Variants in ANKS1B observed in about 807,000 individuals in gnomAD.
ANKS1B encodes the protein ankyrin repeat and sterile alpha motif domain-containing protein 1B.
Under a neutral mutation model 148.3 loss-of-function variants are expected in ANKS1B, and 36 were observed. The ratio of observed to expected loss-of-function variants is 0.24; its 90% CI spans 0.19 to 0.32. The LOEUF (loss-of-function observed/expected upper bound fraction) is 0.32. ANKS1B is among the 10% of genes least tolerant of loss of function. The probability of loss-of-function intolerance (pLI) is 1.00; values close to 1 mark genes in which losing one functional copy is unlikely to be tolerated. For synonymous variants in ANKS1B, 542 were observed against 560.8 expected, an observed-to-expected ratio of 0.97 and a Z score of 0.47; for missense variants, 1,157 against 1,542.6, an observed-to-expected ratio of 0.75 and a Z score of 4.19.
chr12:99,370,519 C>A (rs541959328), intron 12 of ANKS1B, among the ~76,000 whole-genome samples: 3 of 152,200 alleles, frequency 2.0e-5, no homozygotes, highest in Admixed American at 2.0e-4. Flanking sequence ...AGACAGGCAA[C>A]AGACACACAG....
At chr12:99,407,080 G>C (rs1229398763) in intron 11 of ANKS1B, among the ~76,000 whole-genome samples, 1 of 145,754 alleles carries the variant, frequency 6.9e-6, no homozygotes, top group Non-Finnish European at 1.5e-5. Context: ...ATCAAAAACA[G>C]AAAACTACGG....
At chr12:99,523,513 G>A (rs1265717746) in intron 9 of ANKS1B, among the ~76,000 whole-genome samples, 1 of 151,396 alleles carries the variant, frequency 6.6e-6, no homozygotes, top group Non-Finnish European at 1.5e-5. Context: ...TCTGTCCCTG[G>A]AGTCTTCAAG....
intron 8 of ANKS1B, among the ~76,000 whole-genome samples, chr12:99,702,476 T>C (rs2054993897): frequency 1.3e-5 from 2 of 152,158 alleles, no homozygotes; most frequent in South Asian, 4.1e-4. Context: ...AAATATTGTC[T>C]CCCATTCTGT....
intron 8 of ANKS1B, among the ~76,000 whole-genome samples, chr12:99,704,475 C>T (rs776580924): frequency 6.6e-6 from 1 of 152,068 alleles, no homozygotes; most frequent in Non-Finnish European, 1.5e-5. Flanking sequence ...AATATATACA[C>T]ATATTAGACT....
intron 9 of ANKS1B, among the ~76,000 whole-genome samples, chr12:99,513,680 C>T (rs1359333727): frequency 3.3e-5 from 5 of 151,974 alleles, no homozygotes; most frequent in Non-Finnish European, 7.4e-5. Flanking sequence ...AATAAATCCT[C>T]AAGTCCTATA....
In ANKS1B at chr12:99,059,788, C is replaced by CATATATATATATATATGTATATATATAT. The variant is rs769888299; in HGVS notation, c.2626-6480_2626-6479insATATATATATACATATATATATATATAT. 1.0e-4 allele frequency among the ~76,000 whole-genome samples: 9 copies of CATATATATATATATATGTATATATATAT among 90,322 alleles called. 1 individual carries two copies. The highest frequency in any genetic ancestry group is 4.0e-4 in the African/African-American group (9 of 22,266). The allele number at this position is 90,322 out of a possible 152,430, so 59.3% of individuals were successfully genotyped here. ...TAAGCCCAAAGACAAAACTAAAATT[C>CATATATATATATATATGTATATATATAT]ATATATATATATATATATGATAGGA... On this transcript the variant is annotated intron_variant, in intron 16 of 26. Coordinates refer to ENST00000683438, the MANE Select transcript of ANKS1B (RefSeq NM_001352186.2).
chr12:99,119,499 A>T (rs1344010206), intron 15 of ANKS1B, among the ~76,000 whole-genome samples: 1 of 152,198 alleles, frequency 6.6e-6, no homozygotes, highest in African/African-American at 2.4e-5. Context: ...CCAACCATTG[A>T]ACTAATATAC....
intron 9 of ANKS1B, among the ~76,000 whole-genome samples, chr12:99,654,484 C>G (rs1339709635): frequency 1.3e-5 from 2 of 152,166 alleles, no homozygotes; most frequent in Non-Finnish European, 2.9e-5. Context: ...TGAAACTCCT[C>G]TAAGAGTGTA....
intron 10 of ANKS1B, among the ~76,000 whole-genome samples, chr12:99,498,195 T>G (rs1339330612): frequency 1.3e-5 from 2 of 152,214 alleles, no homozygotes; most frequent in Admixed American, 6.5e-5. Flanking sequence ...AACTTCATCT[T>G]TCTCCAATCT....
At chr12:98,941,421 T>C (rs886893363) in intron 17 of ANKS1B, among the ~76,000 whole-genome samples, 2 of 152,174 alleles carry the variant, frequency 1.3e-5, no homozygotes, top group Admixed American at 6.6e-5. Context: ...TTGTTTACAG[T>C]ATGAGAGCTG....
intron 15 of ANKS1B, among the ~76,000 whole-genome samples, chr12:99,134,976 G>A (rs2067511856): frequency 6.6e-6 from 1 of 152,048 alleles, no homozygotes; most frequent in Non-Finnish European, 1.5e-5. Flanking sequence ...TTTAGCACGA[G>A]CGACAAAGAT....
chr12:99,890,799 T>C (rs779314071), intron 1 of ANKS1B, among the ~76,000 whole-genome samples: 18 of 151,984 alleles, frequency 1.2e-4, no homozygotes, highest in Non-Finnish European at 2.5e-4. Context: ...TGACCAGAGA[T>C]AGGGAAGCTT....
intron 15 of ANKS1B, among the ~76,000 whole-genome samples, chr12:99,110,179 T>A (rs2060010869): frequency 6.6e-6 from 1 of 152,186 alleles, no homozygotes; most frequent in South Asian, 2.1e-4. Context: ...CTAGGTGTTG[T>A]AAGATAGATG....
intron 12 of ANKS1B, among the ~76,000 whole-genome samples, chr12:99,307,830 T>C (rs909139572): frequency 5.9e-5 from 9 of 152,036 alleles, no homozygotes; most frequent in Non-Finnish European, 1.2e-4. Flanking sequence ...TATTTAGCTG[T>C]AGTGGAAAAA....
intron 15 of ANKS1B, 23 bp downstream of exon 15, chr12:99,154,266 C>T (rs753405151): frequency 2.2e-5 from 36 of 1,612,680 alleles, no homozygotes; most frequent in East Asian, 6.7e-5. Flanking sequence ...AAGGCAGCTC[C>T]GTGGACACAG....
At chr12:98,871,727 T>G (rs962624963) in intron 17 of ANKS1B, among the ~76,000 whole-genome samples, 2 of 152,216 alleles carry the variant, frequency 1.3e-5, no homozygotes, top group African/African-American at 4.8e-5. Flanking sequence ...ATTCTTTATC[T>G]ACATCTAGAT....
intron 10 of ANKS1B, among the ~76,000 whole-genome samples, chr12:99,465,070 C>T (rs1434119461): frequency 1.3e-5 from 2 of 152,294 alleles, no homozygotes; most frequent in African/African-American, 4.8e-5. Flanking sequence ...CAAAGGGAAG[C>T]CCATCAGACT....
At chr12:99,760,840 A>G (rs1378023443) in intron 8 of ANKS1B, among the ~76,000 whole-genome samples, 2 of 151,516 alleles carry the variant, frequency 1.3e-5, no homozygotes, top group Non-Finnish European at 3.0e-5. Context: ...AATAAGCACA[A>G]TCAGAAATGG....
chr12:99,805,397 A>C (rs892702158), intron 4 of ANKS1B, among the ~76,000 whole-genome samples: 1 of 151,640 alleles, frequency 6.6e-6, no homozygotes, highest in East Asian at 1.9e-4. Context: ...GCCAAGGTGG[A>C]AGGATTGCTT....
Sources: gnomAD v4.1 joint callset for allele counts (sites outside exome capture counted in the v4.1 genomes callset) on GRCh38, gnomAD v4.1.1 for gene constraint, MANE v1.5 for transcripts, NCBI Gene and HGNC (gene_info 2026-07-23, HGNC 2026-07-21) for gene names.